CDC42BPA: variants seen among roughly 807,000 people sequenced by gnomAD.
The protein encoded by CDC42BPA is CDC42 binding protein kinase alpha.
In CDC42BPA, 80 loss-of-function variants were observed where a neutral mutation model predicts 223.5. That is an observed-to-expected ratio of 0.36 (90% CI 0.30 to 0.43). The LOEUF (loss-of-function observed/expected upper bound fraction) is 0.43, where lower values mean the gene tolerates loss of function less well. Ranked by LOEUF, CDC42BPA falls within the 20% of genes least tolerant of loss-of-function variation. CDC42BPA has a pLI of 1.00. For synonymous variants in CDC42BPA, 694 were observed against 718.6 expected (o/e 0.97, Z 0.55); for missense variants, 1,743 against 2,099.9 (o/e 0.83, Z 3.32).
intron 1 of CDC42BPA, among the ~76,000 whole-genome samples, chr1:227,310,525 A>G (rs1693322887): frequency 6.6e-6 from 1 of 152,180 alleles, no homozygotes; most frequent in South Asian, 2.1e-4. Context: ...ACTAGCCAAT[A>G]GAAGATTAGC....
chr1:227,291,324 G>C, intron 1 of CDC42BPA, among the ~76,000 whole-genome samples: 1 of 152,078 alleles, frequency 6.6e-6, no homozygotes, highest in East Asian at 1.9e-4. Context: ...CGAAGCAGGC[G>C]GATCACTTGA....
At chr1:227,262,818 A>T (rs1248248594) in intron 1 of CDC42BPA, among the ~76,000 whole-genome samples, 1 of 152,246 alleles carries the variant, frequency 6.6e-6, no homozygotes, top group African/African-American at 2.4e-5. Flanking sequence ...CACAGATTTT[A>T]AAATATAACT....
chr1:226,995,033 TAG>T, intron 35 of CDC42BPA, 53 bp from the exon 36 acceptor site: 2 of 1,522,516 alleles, frequency 1.3e-6, no homozygotes, highest in Non-Finnish European at 9.0e-7. Flanking sequence ...GACAATACTC[TAG>T]AAAGCACACA....
chr1:227,290,607 T>C (rs1689533052), intron 1 of CDC42BPA, among the ~76,000 whole-genome samples: 1 of 152,176 alleles, frequency 6.6e-6, no homozygotes, highest in African/African-American at 2.4e-5. Flanking sequence ...TTCATATTGG[T>C]TTCCAAATGA....
intron 5 of CDC42BPA, chr1:227,183,025 C>T (rs370530111): frequency 1.2e-4 from 19 of 152,186 alleles, no homozygotes; most frequent in African/African-American, 1.9e-4. Context: ...CTTTCAAACT[C>T]GGACTGAGCC....
At chr1:227,297,818 AG>A (rs2148705502) in intron 1 of CDC42BPA, among the ~76,000 whole-genome samples, 1 of 151,884 alleles carries the variant, frequency 6.6e-6, no homozygotes, top group Admixed American at 6.6e-5. Context: ...TAATGGATAC[AG>A]AGCTTCTGCT....
intron 11 of CDC42BPA, among the ~76,000 whole-genome samples, chr1:227,126,569 T>C (rs1189886906): frequency 6.6e-6 from 1 of 151,630 alleles, no homozygotes; most frequent in Non-Finnish European, 1.5e-5. Flanking sequence ...ACTAATATCC[T>C]TCATGTATAT....
At chr1:227,202,076 G>C (rs574964559) in intron 3 of CDC42BPA, among the ~76,000 whole-genome samples, 2 of 152,006 alleles carry the variant, frequency 1.3e-5, no homozygotes, top group African/African-American at 4.8e-5. Context: ...CTCTGCCTCC[G>C]GGTGTGAGCA....
intron 2 of CDC42BPA, among the ~76,000 whole-genome samples, chr1:227,235,670 G>A (rs753709760): frequency 2.4e-4 from 37 of 152,056 alleles, no homozygotes; most frequent in Admixed American, 1.6e-3. Context: ...GATTTTCACC[G>A]CTGACAAGGC....
At chr1:227,314,853 A>G (rs1266114063) in intron 1 of CDC42BPA, among the ~76,000 whole-genome samples, 2 of 152,148 alleles carry the variant, frequency 1.3e-5, no homozygotes, top group East Asian at 3.9e-4. Flanking sequence ...TAACCCCAAC[A>G]ACAATCCCTG....
intron 21 of CDC42BPA, among the ~76,000 whole-genome samples, chr1:227,059,932 A>C (rs1287671294): frequency 6.6e-6 from 1 of 152,130 alleles, no homozygotes; most frequent in Non-Finnish European, 1.5e-5. Flanking sequence ...TCCTGACTCA[A>C]CTTCAGCCAT....
chr1:227,126,164 T>G (rs935440355), intron 11 of CDC42BPA, among the ~76,000 whole-genome samples: 11 of 152,132 alleles, frequency 7.2e-5, no homozygotes, highest in African/African-American at 2.7e-4. Context: ...TTCCCTAATA[T>G]ATACTGCTAG....
chr1:227,137,126 C>G (rs963112946), intron 10 of CDC42BPA, among the ~76,000 whole-genome samples: 5 of 152,036 alleles, frequency 3.3e-5, no homozygotes, highest in Non-Finnish European at 7.4e-5. Context: ...CTAAAGGTTT[C>G]TACGTTGTTT....
chr1:227,086,371 T>C (rs534253700), intron 16 of CDC42BPA, among the ~76,000 whole-genome samples: 2 of 152,334 alleles, frequency 1.3e-5, no homozygotes, highest in Non-Finnish European at 1.5e-5. Flanking sequence ...ATGGTAAGTA[T>C]ATGTTTAACT....
intron 5 of CDC42BPA, among the ~76,000 whole-genome samples, chr1:227,181,612 G>A (rs562287861): frequency 1.3e-5 from 2 of 151,916 alleles, no homozygotes; most frequent in South Asian, 2.1e-4. Context: ...TTTGGTTGTC[G>A]CTTACTCTCT....
At chr1:227,126,831 G>C (rs1689752128) in intron 11 of CDC42BPA, among the ~76,000 whole-genome samples, 1 of 152,122 alleles carries the variant, frequency 6.6e-6, no homozygotes, top group South Asian at 2.1e-4. Flanking sequence ...TACAGAAACA[G>C]AGGAAAATGA....
intron 1 of CDC42BPA, among the ~76,000 whole-genome samples, chr1:227,297,398 T>C (rs975475051): frequency 6.6e-6 from 1 of 151,658 alleles, no homozygotes. Flanking sequence ...AAGTTAAACA[T>C]AGAATTACTA....
intron 8 of CDC42BPA, among the ~76,000 whole-genome samples, chr1:227,143,257 T>C (rs1377077362): frequency 6.6e-6 from 1 of 152,214 alleles, no homozygotes; most frequent in African/African-American, 2.4e-5. Flanking sequence ...ATATTGAGAA[T>C]ACAGTCATTA....
chr1:227,167,108 T>C (rs1160347969), intron 5 of CDC42BPA, among the ~76,000 whole-genome samples: 1 of 152,162 alleles, frequency 6.6e-6, no homozygotes, highest in Non-Finnish European at 1.5e-5. Context: ...CAATACTACA[T>C]AAGAATAAAA....
Sources: gnomAD v4.1 joint callset for allele counts (sites outside exome capture counted in the v4.1 genomes callset) on GRCh38, gnomAD v4.1.1 for gene constraint, MANE v1.5 for transcripts, NCBI Gene and HGNC (gene_info 2026-07-23, HGNC 2026-07-21) for gene names.